The following RANBP2 variants were observed in gnomAD, a reference collection of about 807,000 sequenced individuals.
RANBP2 encodes RAN binding protein 2.
Under a neutral mutation model 303.6 loss-of-function variants are expected in RANBP2, and 57 were observed. The observed-to-expected ratio is 0.19, with a 90% CI of 0.15 to 0.23. The LOEUF is 0.23. RANBP2 is among the 10% of genes least tolerant of loss of function. RANBP2 has a pLI of 1.00. For synonymous variants in RANBP2, 1,167 were observed against 1,301.5 expected (o/e 0.90, Z 2.23); for missense variants, 3,138 against 3,780.8 (o/e 0.83, Z 4.46).
At chr2:109,120,431 G>A in the RANBP2 span, among the ~76,000 whole-genome samples, 1 of 152,188 alleles carries the variant, frequency 6.6e-6, no homozygotes, top group Admixed American at 6.5e-5. Flanking sequence ...CCCCAAGGAT[G>A]TAAGGTAGAG....
the RANBP2 span, chr2:109,552,450 A>ATT: frequency 1.3e-5 from 2 of 152,384 alleles, no homozygotes; most frequent in African/African-American, 4.8e-5. Flanking sequence ...AACCTAGTCC[A>ATT]TTACAAGCCC....
the RANBP2 span, among the ~76,000 whole-genome samples, chr2:109,569,454 A>G: frequency 6.7e-6 from 1 of 150,320 alleles, no homozygotes; most frequent in Non-Finnish European, 1.5e-5. Flanking sequence ...AAAAAAAAAA[A>G]AGGAAAAAAT....
the RANBP2 span, among the ~76,000 whole-genome samples, chr2:108,950,434 T>TG: frequency 6.6e-6 from 1 of 152,132 alleles, no homozygotes. Flanking sequence ...TGTGATGTCT[T>TG]TATGTAGAGC....
chr2:109,507,295 T>C, the RANBP2 span, among the ~76,000 whole-genome samples: 1 of 152,168 alleles, frequency 6.6e-6, no homozygotes, highest in African/African-American at 2.4e-5. Flanking sequence ...AGGGACCGTC[T>C]TGGAATCGGT....
At chr2:109,026,169 T>A in the RANBP2 span, among the ~76,000 whole-genome samples, 1 of 152,044 alleles carries the variant, frequency 6.6e-6, no homozygotes, top group South Asian at 2.1e-4. Context: ...AGAGAAAGGG[T>A]CTCACTCTGT....
chr2:109,181,337 A>G, the RANBP2 span, among the ~76,000 whole-genome samples: 2 of 152,234 alleles, frequency 1.3e-5, no homozygotes, highest in Non-Finnish European at 2.9e-5. Flanking sequence ...ACATGGGTAC[A>G]TTACTGTTCA....
the RANBP2 span, among the ~76,000 whole-genome samples, chr2:109,181,804 C>T: frequency 6.6e-6 from 1 of 152,212 alleles, no homozygotes; most frequent in Non-Finnish European, 1.5e-5. Context: ...ATACTTCATC[C>T]ATGCCACATT....
At chr2:108,751,471 A>C in intron 10 of RANBP2, 26 bp downstream of exon 10, 1 of 1,611,780 alleles carries the variant, frequency 6.2e-7, no homozygotes, top group South Asian at 1.1e-5. Flanking sequence ...AACAAATTAA[A>C]TATTCTGAAT....
chr2:108,829,998 A>T, the RANBP2 span, among the ~76,000 whole-genome samples: 3 of 149,786 alleles, frequency 2.0e-5, no homozygotes, highest in South Asian at 6.2e-4. Flanking sequence ...TATATATAAT[A>T]AAAAGAAGGT....
chr2:109,657,387 G>T, the RANBP2 span, among the ~76,000 whole-genome samples: 1 of 152,150 alleles, frequency 6.6e-6, no homozygotes, highest in Admixed American at 6.6e-5. Flanking sequence ...GGTTGAGGCT[G>T]CAGTGAACCG....
chr2:109,011,876 GTA>G, the RANBP2 span, among the ~76,000 whole-genome samples: 2 of 152,112 alleles, frequency 1.3e-5, no homozygotes, highest in African/African-American at 4.8e-5. Flanking sequence ...GTGTGTGCGT[GTA>G]TGTGTGCATG....
At chr2:109,241,026 A>G in the RANBP2 span, among the ~76,000 whole-genome samples, 1 of 152,324 alleles carries the variant, frequency 6.6e-6, no homozygotes, top group Non-Finnish European at 1.5e-5. Flanking sequence ...AAAGAACTCT[A>G]TAGAGCATCA....
the RANBP2 span, among the ~76,000 whole-genome samples, chr2:109,578,420 A>T: frequency 6.6e-6 from 1 of 152,236 alleles, no homozygotes; most frequent in Non-Finnish European, 1.5e-5. Flanking sequence ...ACTACGTAAT[A>T]ATAAAAGTGT....
chr2:109,296,564 C>G, the RANBP2 span, among the ~76,000 whole-genome samples: 58 of 152,246 alleles, frequency 3.8e-4, no homozygotes, highest in Middle Eastern at 6.8e-3. Flanking sequence ...TTTTAAAGGT[C>G]ATCAGGGCAT....
At chr2:109,432,379 T>C in the RANBP2 span, 2 of 1,261,864 alleles carry the variant, frequency 1.6e-6, no homozygotes, top group Admixed American at 2.1e-5. Flanking sequence ...AGAGCCCCCA[T>C]AGACTCTAGT....
chr2:108,863,573 C>G, the RANBP2 span, among the ~76,000 whole-genome samples: 1 of 152,264 alleles, frequency 6.6e-6, no homozygotes, highest in South Asian at 2.1e-4. Flanking sequence ...TGTAGTAAAA[C>G]TCCTAGATCT....
the RANBP2 span, among the ~76,000 whole-genome samples, chr2:109,139,860 C>T: frequency 6.6e-6 from 1 of 152,224 alleles, no homozygotes; most frequent in Non-Finnish European, 1.5e-5. Flanking sequence ...AGTTTGACAT[C>T]TGGAGTCGTG....
chr2:109,105,312 A>G, the RANBP2 span, among the ~76,000 whole-genome samples: 1 of 152,218 alleles, frequency 6.6e-6, no homozygotes, highest in Non-Finnish European at 1.5e-5. Flanking sequence ...ATGAGCATGC[A>G]CACAACTTCA....
At chr2:109,623,145 A>C in the RANBP2 span, among the ~76,000 whole-genome samples, 1 of 152,260 alleles carries the variant, frequency 6.6e-6, no homozygotes, top group African/African-American at 2.4e-5. Flanking sequence ...AAACAACAAC[A>C]ACAACAACAA....
Sources: gnomAD v4.1 joint callset for allele counts (sites outside exome capture counted in the v4.1 genomes callset) on GRCh38, gnomAD v4.1.1 for gene constraint, MANE v1.5 for transcripts, NCBI Gene and HGNC (gene_info 2026-07-23, HGNC 2026-07-21) for gene names.